The following ZFPM2 variants were observed in gnomAD, a reference collection of about 807,000 sequenced individuals.
ZFPM2 encodes the protein zinc finger protein, FOG family member 2.
A neutral mutation model predicts 98.6 loss-of-function variants in ZFPM2; 20 were observed. The ratio of observed to expected loss-of-function variants is 0.20; its 90% confidence interval spans 0.14 to 0.29. ZFPM2 has a LOEUF of 0.29. ZFPM2 is among the 10% of genes least tolerant of loss of function. ZFPM2 has a pLI of 1.00. For synonymous variants in ZFPM2, 518 were observed against 502.7 expected (o/e 1.03, Z -0.41); for missense variants, 1,310 against 1,388.6 (o/e 0.94, Z 0.90).
chr8:105,738,388 C>A (rs1157152499), intron 5 of ZFPM2, among the ~76,000 whole-genome samples: 1 of 151,998 alleles, frequency 6.6e-6, no homozygotes, highest in Non-Finnish European at 1.5e-5. Flanking sequence ...TCTGTGGTGT[C>A]TATGTACCAC....
intron 3 of ZFPM2, among the ~76,000 whole-genome samples, chr8:105,497,842 C>T (rs189820428): frequency 8.6e-5 from 13 of 151,780 alleles, no homozygotes; most frequent in South Asian, 2.1e-4. Context: ...TGGAATACTG[C>T]GAGAGTAACA....
rs747995106 is a variant in ZFPM2 at position 105,802,733 on chromosome 8, G to C, written c.2651G>C (p.Arg884Pro). Reference protein sequence around the residue: ...QNFCPVTAHQRNDLGQLDGKV... With the variant: ...QNFCPVTAHQPNDLGQLDGKV... ...TTCTGCCCGGTTACTGCACATCAGC[G>C]TAATGACCTGGGTCAACTGGACGGC... The change falls in exon 8 of 8, where the codon CGT becomes CCT. Residue 884 changes from arginine to proline, a missense_variant. Arg to Pro is a moderately radical substitution (Grantham distance 103, BLOSUM62 -2). Transcript: ENST00000407775. The C allele has an allele frequency of 6.2e-7, 1 of 1,613,160 alleles. No homozygotes were observed. The highest frequency in any genetic ancestry group is 1.7e-4 in the Middle Eastern group (1 of 6,060).
At chr8:105,624,467 G>A (rs1816613277) in intron 4 of ZFPM2, among the ~76,000 whole-genome samples, 1 of 152,032 alleles carries the variant, frequency 6.6e-6, no homozygotes, top group Admixed American at 6.6e-5. Flanking sequence ...TTGGCAAAAG[G>A]GAAAGAGAAA....
At chr8:105,433,773 C>T (rs112384140) in intron 2 of ZFPM2, among the ~76,000 whole-genome samples, 7,453 of 152,128 alleles carry the variant, frequency 0.049, 591 homozygotes, top group African/African-American at 0.17. Context: ...GGAGGCAGAG[C>T]GAGACTCCAT....
At chr8:105,785,858 C>T (rs1294657940) in intron 5 of ZFPM2, among the ~76,000 whole-genome samples, 4 of 151,924 alleles carry the variant, frequency 2.6e-5, no homozygotes, top group African/African-American at 9.6e-5. Context: ...CTGGCTAACA[C>T]GGTGAAACCC....
At chr8:105,540,649 A>T (rs775409685) in intron 3 of ZFPM2, among the ~76,000 whole-genome samples, 14 of 152,128 alleles carry the variant, frequency 9.2e-5, no homozygotes, top group Non-Finnish European at 2.1e-4. Flanking sequence ...TGCTCAGTCC[A>T]CTTAAAACAA....
intron 4 of ZFPM2, among the ~76,000 whole-genome samples, chr8:105,590,893 G>T (rs984621745): frequency 6.6e-6 from 1 of 152,158 alleles, no homozygotes; most frequent in African/African-American, 2.4e-5. Flanking sequence ...AGACTTGAAA[G>T]GGTATAGTTC....
chr8:105,424,009 AG>A (rs1221842208), intron 2 of ZFPM2, among the ~76,000 whole-genome samples: 2 of 152,140 alleles, frequency 1.3e-5, no homozygotes, highest in African/African-American at 4.8e-5. Context: ...AACTCAGGTG[AG>A]GGGGGTGAGG....
At chr8:105,547,542 CA>C (rs148322534) in intron 3 of ZFPM2, among the ~76,000 whole-genome samples, 293 of 47,156 alleles carry the variant, frequency 6.2e-3, no homozygotes, top group Admixed American at 0.038. Flanking sequence ...AACTCCATCT[CA>C]AAAAAAAAAA....
chr8:105,529,782 G>C (rs1278560479), intron 3 of ZFPM2, among the ~76,000 whole-genome samples: 1 of 151,812 alleles, frequency 6.6e-6, no homozygotes, highest in Non-Finnish European at 1.5e-5. Flanking sequence ...CTGGGCTGGA[G>C]TGCAGTAATG....
chr8:105,442,931 A>G (rs1812283725), intron 2 of ZFPM2, among the ~76,000 whole-genome samples: 1 of 151,958 alleles, frequency 6.6e-6, no homozygotes, highest in East Asian at 1.9e-4. Context: ...TAAAGATTTA[A>G]GTGGTATTAG....
At chr8:105,543,317 C>A (rs573278652) in intron 3 of ZFPM2, among the ~76,000 whole-genome samples, 1 of 152,250 alleles carries the variant, frequency 6.6e-6, no homozygotes, top group Non-Finnish European at 1.5e-5. Flanking sequence ...GAAACTCCAT[C>A]TCTACAGAAG....
At chr8:105,765,320 A>G (rs1167590492) in intron 5 of ZFPM2, among the ~76,000 whole-genome samples, 1 of 151,720 alleles carries the variant, frequency 6.6e-6, no homozygotes, top group Non-Finnish European at 1.5e-5. Flanking sequence ...ATTTCTTTTC[A>G]TATTTTTTCA....
At chr8:105,444,474 A>G in intron 3 of ZFPM2, 93 bp downstream of exon 3, 1 of 909,586 alleles carries the variant, frequency 1.1e-6, no homozygotes, top group South Asian at 1.8e-5. Flanking sequence ...CTTGCAAAAA[A>G]TGTTTTTGTG....
At chr8:105,565,575 C>G (rs1368420451) in intron 4 of ZFPM2, among the ~76,000 whole-genome samples, 1 of 152,092 alleles carries the variant, frequency 6.6e-6, no homozygotes, top group Non-Finnish European at 1.5e-5. Context: ...CAGTCTGATT[C>G]CATAACACAT....
intron 1 of ZFPM2, among the ~76,000 whole-genome samples, chr8:105,393,337 C>CTGTCTGTCTTTCTTTCTTTCTTT (rs1554600680): frequency 2.6e-4 from 30 of 114,846 alleles, no homozygotes; most frequent in African/African-American, 8.6e-4. Context: ...TCTCTCTTTG[C>CTGTCTGTCTTTCTTTCTTTCTTT]CTTTCTTTCT....
chr8:105,568,334 C>G (rs1308377573), intron 4 of ZFPM2, among the ~76,000 whole-genome samples: 1 of 151,466 alleles, frequency 6.6e-6, no homozygotes, highest in Non-Finnish European at 1.5e-5. Context: ...TAATCCTAGT[C>G]CTCTGCCTCT....
At chr8:105,800,888 A>T (rs1359947694) in intron 7 of ZFPM2, among the ~76,000 whole-genome samples, 159 bp from the exon 8 acceptor site, 1 of 152,210 alleles carries the variant, frequency 6.6e-6, no homozygotes, top group East Asian at 1.9e-4. Context: ...TATCATACAC[A>T]GTAAGAGATG....
intron 1 of ZFPM2, among the ~76,000 whole-genome samples, chr8:105,334,345 A>G (rs1386074014): frequency 6.6e-6 from 1 of 151,762 alleles, no homozygotes; most frequent in South Asian, 2.1e-4. Flanking sequence ...TTCAGACAAT[A>G]TGGGAGAGAA....
Sources: gnomAD v4.1 joint callset for allele counts (sites outside exome capture counted in the v4.1 genomes callset) on GRCh38, gnomAD v4.1.1 for gene constraint, MANE v1.5 for transcripts, NCBI Gene and HGNC (gene_info 2026-07-23, HGNC 2026-07-21) for gene names.